GULP1: variants seen among roughly 807,000 people sequenced by gnomAD.
The protein encoded by GULP1 is PTB domain-containing engulfment adapter protein 1.
In GULP1, 19 loss-of-function variants were observed where a neutral mutation model predicts 40.9. The ratio of observed to expected loss-of-function variants is 0.46; its 90% CI spans 0.32 to 0.68. The LOEUF (loss-of-function observed/expected upper bound fraction) is 0.68. GULP1 is among the 30% of genes least tolerant of loss of function. GULP1 has a pLI of 0.03. For missense variants in GULP1, 312 were observed against 362.2 expected (o/e 0.86, Z 1.12); for synonymous variants, 119 against 117.6 (o/e 1.01, Z -0.08).
intron 7 of GULP1, among the ~76,000 whole-genome samples, chr2:188,551,495 T>C (rs1237297501): frequency 6.6e-6 from 1 of 151,752 alleles, no homozygotes; most frequent in African/African-American, 2.4e-5. Context: ...CTGCAAATGA[T>C]ATGATATCAT....
chr2:188,527,240 G>C (rs560489570), intron 5 of GULP1, among the ~76,000 whole-genome samples: 42 of 152,122 alleles, frequency 2.8e-4, no homozygotes, highest in Non-Finnish European at 5.4e-4. Flanking sequence ...CACAGTTCTT[G>C]TCAGAGGTCA....
intron 1 of GULP1, among the ~76,000 whole-genome samples, chr2:188,376,683 G>A (rs1409546939): frequency 6.6e-6 from 1 of 152,152 alleles, no homozygotes; most frequent in East Asian, 1.9e-4. Flanking sequence ...TAGAAAAAGG[G>A]ATAAAATTTG....
At chr2:188,361,945 G>A (rs2046149337) in intron 1 of GULP1, among the ~76,000 whole-genome samples, 1 of 151,712 alleles carries the variant, frequency 6.6e-6, no homozygotes, top group Non-Finnish European at 1.5e-5. Context: ...TCTATTTCCT[G>A]CTTATTGACA....
chr2:188,349,250 G>C (rs1418266637), intron 1 of GULP1, among the ~76,000 whole-genome samples: 1 of 152,094 alleles, frequency 6.6e-6, no homozygotes, highest in Non-Finnish European at 1.5e-5. Flanking sequence ...AGTTTCTCTT[G>C]GGTATGAACC....
chr2:188,362,164 T>C (rs2046183005), intron 1 of GULP1, among the ~76,000 whole-genome samples: 1 of 152,080 alleles, frequency 6.6e-6, no homozygotes, highest in African/African-American at 2.4e-5. Flanking sequence ...TATCTCATCA[T>C]TTTTCTGAGC....
At chr2:188,569,821 C>A (rs886621632) in intron 8 of GULP1, among the ~76,000 whole-genome samples, 1 of 152,020 alleles carries the variant, frequency 6.6e-6, no homozygotes, top group Non-Finnish European at 1.5e-5. Context: ...ATAAAATTTG[C>A]ACACACATAA....
At chr2:188,352,616 T>TCACACACACACA (rs1179352194) in intron 1 of GULP1, among the ~76,000 whole-genome samples, 2,065 of 75,900 alleles carry the variant, frequency 0.027, 43 homozygotes, top group African/African-American at 0.071. Context: ...TCTCTCTCTC[T>TCACACACACACA]CTCACACACA....
intron 7 of GULP1, among the ~76,000 whole-genome samples, chr2:188,562,756 A>G (rs1277658390): frequency 6.6e-6 from 1 of 152,166 alleles, no homozygotes; most frequent in African/African-American, 2.4e-5. Context: ...ATGCACATGG[A>G]ATGTTTACAG....
chr2:188,529,964 G>T (rs1207879444), intron 6 of GULP1, among the ~76,000 whole-genome samples: 2 of 152,108 alleles, frequency 1.3e-5, no homozygotes, highest in East Asian at 1.9e-4. Flanking sequence ...GTTCAGAAAG[G>T]TTTGCCCAGC....
At position 188,292,538 on chromosome 2, in the gene GULP1, G is replaced by C. The variant is rs1200813771; in HGVS notation, c.-172+372G>C. Among the ~76,000 whole-genome samples, 1 of 152,198 alleles carries C rather than the reference G, an allele frequency of 6.6e-6. No homozygotes were observed. Among genetic ancestry groups the C allele is most frequent in the Non-Finnish European group, 1.5e-5 (1 of 68,038 alleles). On this transcript the variant is annotated intron_variant, in intron 1 of 11. Transcript: ENST00000409830. This position sits in a 1 kb window ranked among gnomAD's most constrained non-coding sequence, Gnocchi z 4.0. Reference sequence around the variant, plus strand: ...CCGGCGGCGGGGGGCCGGTGAGCAGGAACTGGAGGGAGGCGGTGGGGAAAC... The same window carrying C: ...CCGGCGGCGGGGGGCCGGTGAGCAGCAACTGGAGGGAGGCGGTGGGGAAAC...
chr2:188,524,081 T>A (rs550327035), intron 5 of GULP1, among the ~76,000 whole-genome samples: 1 of 152,204 alleles, frequency 6.6e-6, no homozygotes, highest in Non-Finnish European at 1.5e-5. Flanking sequence ...TAAATGCTTT[T>A]AAAATGTTGA....
At chr2:188,577,531 T>C (rs1478634374) in intron 9 of GULP1, among the ~76,000 whole-genome samples, 1 of 152,114 alleles carries the variant, frequency 6.6e-6, no homozygotes, top group African/African-American at 2.4e-5. Context: ...AAGATAATTC[T>C]AAAAGCATAA....
intron 2 of GULP1, among the ~76,000 whole-genome samples, chr2:188,419,209 A>G (rs899966902): frequency 6.6e-6 from 1 of 152,182 alleles, no homozygotes; most frequent in Non-Finnish European, 1.5e-5. Context: ...ATTATTTTGG[A>G]TAAATATCCA....
At chr2:188,462,059 C>G (rs1051271101) in intron 2 of GULP1, among the ~76,000 whole-genome samples, 1 of 152,010 alleles carries the variant, frequency 6.6e-6, no homozygotes, top group African/African-American at 2.4e-5. Context: ...GTTGGAGTCA[C>G]TTACAGCTAT....
intron 11 of GULP1, chr2:188,588,638 T>A (rs1702894515): frequency 6.6e-6 from 1 of 152,246 alleles, no homozygotes; most frequent in Non-Finnish European, 1.5e-5. Flanking sequence ...ATATCCTATT[T>A]TTCATCAAAA....
chr2:188,516,933 C>A (rs1032125884), intron 4 of GULP1, among the ~76,000 whole-genome samples: 1 of 152,134 alleles, frequency 6.6e-6, no homozygotes, highest in African/African-American at 2.4e-5. Context: ...GTGACATCTC[C>A]TCTGAACATC....
At chr2:188,428,817 CA>C (rs1455343017) in intron 2 of GULP1, among the ~76,000 whole-genome samples, 1 of 151,718 alleles carries the variant, frequency 6.6e-6, no homozygotes, top group East Asian at 1.9e-4. Context: ...ATGACTAATT[CA>C]GAGAGAAAAG....
intron 6 of GULP1, among the ~76,000 whole-genome samples, chr2:188,532,860 G>A (rs1687922819): frequency 1.3e-5 from 2 of 152,002 alleles, no homozygotes; most frequent in Non-Finnish European, 2.9e-5. Flanking sequence ...GGTGGAGGTT[G>A]CAGTGAGCCA....
chr2:188,475,400 T>G (rs560068601), intron 2 of GULP1, among the ~76,000 whole-genome samples: 7 of 152,276 alleles, frequency 4.6e-5, no homozygotes, highest in African/African-American at 1.4e-4. Flanking sequence ...AGAGTTTTTT[T>G]TTGTTGTTAT....
Sources: gnomAD v4.1 joint callset for allele counts (sites outside exome capture counted in the v4.1 genomes callset) on GRCh38, gnomAD v4.1.1 for gene constraint, Gnocchi (gnomAD v3.1) non-coding constraint, MANE v1.5 for transcripts, NCBI Gene and HGNC (gene_info 2026-07-23, HGNC 2026-07-21) for gene names.